LYPLAL1: variants seen among roughly 807,000 people sequenced by gnomAD.
LYPLAL1 encodes lysophospholipase like 1, also known as lysophospholipase-like protein 1.
LYPLAL1 carries 23 observed loss-of-function variants against 19.7 expected under a neutral mutation model. The ratio of observed to expected loss-of-function variants is 1.17; its 90% confidence interval spans 0.84 to 1.65. The LOEUF (loss-of-function observed/expected upper bound fraction) is 1.65, where lower values mean the gene tolerates loss of function less well. Among genes scored for constraint, LYPLAL1 ranks in the 40% most tolerant of loss-of-function variants. The pLI is 0.00. For synonymous variants in LYPLAL1, 119 were observed against 96.3 expected (o/e 1.24, Z -1.38); for missense variants, 355 against 279.4 (o/e 1.27, Z -1.93).
chr1:219,205,379 C>CA (rs1207599619), intron 3 of LYPLAL1, among the ~76,000 whole-genome samples: 9 of 110,378 alleles, frequency 8.2e-5, no homozygotes, highest in South Asian at 3.0e-4. Flanking sequence ...AAAAAAAAAA[C>CA]AAAAAAAACA....
At chr1:219,297,223 G>C in the LYPLAL1 span, among the ~76,000 whole-genome samples, 1 of 152,274 alleles carries the variant, frequency 6.6e-6, no homozygotes, top group African/African-American at 2.4e-5. Flanking sequence ...AAAACACATA[G>C]GATTAACAAT....
the LYPLAL1 span, among the ~76,000 whole-genome samples, chr1:219,363,167 G>T: frequency 3.9e-5 from 6 of 152,164 alleles, no homozygotes; most frequent in South Asian, 1.2e-3. Flanking sequence ...TATTGTGAGG[G>T]GAAGTATTTA....
At chr1:219,342,996 G>T in the LYPLAL1 span, among the ~76,000 whole-genome samples, 2 of 152,160 alleles carry the variant, frequency 1.3e-5, no homozygotes, top group Non-Finnish European at 2.9e-5. Flanking sequence ...AATGGGAGGA[G>T]CACGGATGTG....
chr1:219,295,158 T>G, the LYPLAL1 span, among the ~76,000 whole-genome samples: 1 of 152,176 alleles, frequency 6.6e-6, no homozygotes, highest in Non-Finnish European at 1.5e-5. Flanking sequence ...GCAGGTAAGT[T>G]TCTTAACTTG....
the LYPLAL1 span, among the ~76,000 whole-genome samples, chr1:219,299,063 A>G: frequency 3.9e-5 from 6 of 152,000 alleles, no homozygotes; most frequent in African/African-American, 1.2e-4. Context: ...ACTACAATGC[A>G]GTTATTTGGT....
chr1:219,331,896 C>T, the LYPLAL1 span, among the ~76,000 whole-genome samples: 1 of 152,144 alleles, frequency 6.6e-6, no homozygotes, highest in African/African-American at 2.4e-5. Context: ...GAGAGTCTCA[C>T]CGCTTCTGGG....
At chr1:219,241,075 A>G in the LYPLAL1 span, among the ~76,000 whole-genome samples, 2 of 132,570 alleles carry the variant, frequency 1.5e-5, no homozygotes, top group Non-Finnish European at 3.2e-5. Flanking sequence ...TATCTATATT[A>G]TATATATAAA....
the LYPLAL1 span, among the ~76,000 whole-genome samples, chr1:219,279,558 A>G: frequency 6.6e-6 from 1 of 152,144 alleles, no homozygotes; most frequent in Non-Finnish European, 1.5e-5. Context: ...GGATAAGGAA[A>G]CCTGATGTAC....
the LYPLAL1 span, among the ~76,000 whole-genome samples, chr1:219,306,544 T>A: frequency 6.6e-6 from 1 of 152,130 alleles, no homozygotes; most frequent in Non-Finnish European, 1.5e-5. Context: ...ATAAGTTTTT[T>A]ATATTTTTTT....
the LYPLAL1 span, among the ~76,000 whole-genome samples, chr1:219,384,646 T>C: frequency 6.6e-6 from 1 of 152,230 alleles, no homozygotes; most frequent in Non-Finnish European, 1.5e-5. Flanking sequence ...TCTGAATATT[T>C]AAAGTGCTGT....
chr1:219,270,024 C>T, the LYPLAL1 span, among the ~76,000 whole-genome samples: 1 of 152,182 alleles, frequency 6.6e-6, no homozygotes, highest in Non-Finnish European at 1.5e-5. Flanking sequence ...CCAAATTTCT[C>T]TAAATCTCAA....
At chr1:219,328,471 A>G in the LYPLAL1 span, among the ~76,000 whole-genome samples, 1 of 152,110 alleles carries the variant, frequency 6.6e-6, no homozygotes, top group Non-Finnish European at 1.5e-5. Context: ...TATCCTACAC[A>G]CCAGAAGAAT....
the LYPLAL1 span, among the ~76,000 whole-genome samples, chr1:219,295,322 T>C: frequency 6.6e-6 from 1 of 152,154 alleles, no homozygotes; most frequent in African/African-American, 2.4e-5. Context: ...AGGGAAGAGA[T>C]TGTATCATTT....
the LYPLAL1 span, among the ~76,000 whole-genome samples, chr1:219,369,003 G>T: frequency 6.6e-6 from 1 of 152,204 alleles, no homozygotes; most frequent in Admixed American, 6.5e-5. Context: ...ATTTGAGCAA[G>T]CTCATTTAAC....
the LYPLAL1 span, among the ~76,000 whole-genome samples, chr1:219,282,009 A>G: frequency 6.6e-6 from 1 of 152,136 alleles, no homozygotes; most frequent in Non-Finnish European, 1.5e-5. Flanking sequence ...TTAGAGGAAA[A>G]TGTGCAACAT....
chr1:219,190,622 TAAAA>T (rs35544870), intron 2 of LYPLAL1, among the ~76,000 whole-genome samples: 3 of 86,010 alleles, frequency 3.5e-5, no homozygotes, highest in South Asian at 8.8e-4. Flanking sequence ...TTTTGTCCAG[TAAAA>T]AAAAAAAAAA....
At chr1:219,258,329 C>T in the LYPLAL1 span, among the ~76,000 whole-genome samples, 2 of 151,958 alleles carry the variant, frequency 1.3e-5, no homozygotes, top group African/African-American at 4.8e-5. Context: ...ATTTCTTACA[C>T]CTAAGAAATT....
chr1:219,295,163 AACTTGCCTATGCCCTTATCATC>A, the LYPLAL1 span, among the ~76,000 whole-genome samples: 12 of 152,156 alleles, frequency 7.9e-5, no homozygotes, highest in African/African-American at 2.4e-4. Flanking sequence ...TAAGTTTCTT[AACTTGCCTATGCCCTTATCATC>A]ACTGCTACTA....
chr1:219,214,247 T>G (rs756879568), downstream of LYPLAL1, among the ~76,000 whole-genome samples: 5 of 152,142 alleles, frequency 3.3e-5, no homozygotes, highest in Non-Finnish European at 5.9e-5. Flanking sequence ...ATTGTATAAT[T>G]TTTATATATT....
Sources: allele counts gnomAD v4.1 joint callset (sites outside exome capture counted in the v4.1 genomes callset), GRCh38; gene constraint gnomAD v4.1.1; transcripts MANE v1.5; gene names NCBI Gene and HGNC (gene_info 2026-07-23, HGNC 2026-07-21).